SMIM14: variants seen among roughly 807,000 people sequenced by gnomAD.
The protein encoded by SMIM14 is chromosome 4 open reading frame 34.
Under a neutral mutation model 12.6 loss-of-function variants are expected in SMIM14, and 5 were observed. The ratio of observed to expected loss-of-function variants is 0.40; its 90% CI spans 0.21 to 0.83. The LOEUF (loss-of-function observed/expected upper bound fraction) is 0.83. SMIM14 is among the 40% of genes least tolerant of loss of function. The pLI is 0.37. For synonymous variants in SMIM14, 30 were observed against 40.1 expected (o/e 0.75, Z 0.95); for missense variants, 86 against 119.1 (o/e 0.72, Z 1.29).
intron 1 of SMIM14, among the ~76,000 whole-genome samples, chr4:39,637,314 A>G (rs1716132055): frequency 6.6e-6 from 1 of 152,218 alleles, no homozygotes; most frequent in Non-Finnish European, 1.5e-5. Flanking sequence ...AAGCTGAAAA[A>G]GAACTTCAAG....
At chr4:39,584,574 T>C (rs1051932793) in intron 2 of SMIM14, among the ~76,000 whole-genome samples, 4 of 146,196 alleles carry the variant, frequency 2.7e-5, no homozygotes, top group Non-Finnish European at 4.5e-5. Flanking sequence ...GGTGGGCAAA[T>C]TGCTTGAGCC....
At chr4:39,624,834 A>AC (rs33965592) in intron 1 of SMIM14, among the ~76,000 whole-genome samples, 10 of 150,732 alleles carry the variant, frequency 6.6e-5, no homozygotes, top group Non-Finnish European at 3.0e-5. Flanking sequence ...AAAAAAAAAA[A>AC]CTTCCTATTC....
intron 2 of SMIM14, among the ~76,000 whole-genome samples, chr4:39,604,037 A>G (rs1185896684): frequency 2.6e-5 from 4 of 151,706 alleles, no homozygotes; most frequent in Admixed American, 2.6e-4. Context: ...GAAATGCTTT[A>G]CATAGAGATT....
chr4:39,614,725 T>C (rs1715157937), intron 1 of SMIM14, among the ~76,000 whole-genome samples: 2 of 152,206 alleles, frequency 1.3e-5, no homozygotes, highest in Admixed American at 6.5e-5. Context: ...TCCAGGTATA[T>C]ATTAAGCAAC....
At chr4:39,565,280 T>C (rs1254172250) in intron 3 of SMIM14, among the ~76,000 whole-genome samples, 1 of 152,138 alleles carries the variant, frequency 6.6e-6, no homozygotes, top group African/African-American at 2.4e-5. Context: ...GTTGGCCTTA[T>C]AGGTCATAAT....
chr4:39,615,772 T>C (rs1345521533), intron 1 of SMIM14, among the ~76,000 whole-genome samples: 1 of 152,198 alleles, frequency 6.6e-6, no homozygotes, highest in East Asian at 1.9e-4. Flanking sequence ...CCATTGAAAC[T>C]GGATCATGGG....
chr4:39,571,605 GA>G (rs199800925), intron 3 of SMIM14, among the ~76,000 whole-genome samples: 21 of 150,148 alleles, frequency 1.4e-4, no homozygotes, highest in East Asian at 1.4e-3. Context: ...TTAAATTAAA[GA>G]AAAAAAAAGA....
chr4:39,585,552 C>G (rs989348842), intron 2 of SMIM14, among the ~76,000 whole-genome samples: 1 of 152,050 alleles, frequency 6.6e-6, no homozygotes, highest in Non-Finnish European at 1.5e-5. Flanking sequence ...CCGCCTTGGC[C>G]TCCCAAAGTG....
chr4:39,632,711 G>C (rs1269448862), intron 1 of SMIM14, among the ~76,000 whole-genome samples: 1 of 150,932 alleles, frequency 6.6e-6, no homozygotes. Flanking sequence ...CTGGGAGGTG[G>C]AGGCTGCAAT....
intron 4 of SMIM14, among the ~76,000 whole-genome samples, chr4:39,552,449 G>A (rs868670690): frequency 1.3e-5 from 2 of 152,156 alleles, no homozygotes; most frequent in South Asian, 2.1e-4. Flanking sequence ...TTGTACAACA[G>A]TGATGTTATC....
chr4:39,555,768 T>C (rs1273855698), intron 4 of SMIM14, among the ~76,000 whole-genome samples: 1 of 152,102 alleles, frequency 6.6e-6, no homozygotes, highest in Non-Finnish European at 1.5e-5. Flanking sequence ...ACAGGCTCAG[T>C]GTCTCTACTG....
chr4:39,553,166 T>C (rs1159844415), intron 4 of SMIM14, among the ~76,000 whole-genome samples: 1 of 151,958 alleles, frequency 6.6e-6, no homozygotes, highest in Non-Finnish European at 1.5e-5. Flanking sequence ...GTTCAAGTGA[T>C]TCGCCTGCCT....
intron 3 of SMIM14, among the ~76,000 whole-genome samples, chr4:39,559,153 G>A (rs1393108999): frequency 1.3e-5 from 2 of 152,128 alleles, no homozygotes; most frequent in African/African-American, 4.8e-5. Flanking sequence ...TCATTTTAGA[G>A]GCGAGACAAA....
intron 2 of SMIM14, among the ~76,000 whole-genome samples, chr4:39,575,090 T>C (rs1713103170): frequency 6.6e-6 from 1 of 150,996 alleles, no homozygotes; most frequent in Admixed American, 6.6e-5. Flanking sequence ...TTTTTTTTTT[T>C]TTTTTTTTTG....
intron 1 of SMIM14, among the ~76,000 whole-genome samples, chr4:39,632,992 A>T (rs1715969265): frequency 6.6e-6 from 1 of 152,068 alleles, no homozygotes; most frequent in South Asian, 2.1e-4. Flanking sequence ...AATTATGATT[A>T]AAATAATTTA....
At position 39,565,650 on chromosome 4, in the gene SMIM14, A is replaced by T. The variant is rs182229207; in HGVS notation, c.124+6765T>A. ...CTGAAGAGTTCTGAGCAAAATGCAG[A>T]TGATATCTGACTCTCATTTTGACAG... is the stretch of plus-strand genomic sequence containing the variant. On this transcript the variant is annotated intron_variant, in intron 3 of 4. Coordinates refer to ENST00000295958, the MANE Select transcript of SMIM14 (RefSeq NM_174921.3). Among the ~76,000 whole-genome samples the T allele has an allele frequency of 1.6e-4, 24 of 152,324 alleles. No individual in the cohort carries two copies. In the East Asian group the frequency reaches 2.1e-3, roughly 13 times the overall value.
chr4:39,548,645 G>T lies in SMIM14; in HGVS notation c.*3481C>A, dbSNP rs1711528447. The stretch of plus-strand genomic sequence containing the variant: ...GTTTACAAGCCAAATAATGATTTAA[G>T]AGTGTGCTCAATAAAAAGGCCATAG... On this transcript the variant is annotated 3_prime_UTR_variant, in exon 5 of 5. Coordinates refer to ENST00000295958, the MANE Select transcript of SMIM14 (RefSeq NM_174921.3). 6.6e-6 allele frequency: 1 copy of T among 152,172 alleles called. No homozygotes were observed. The highest frequency in any genetic ancestry group is 2.4e-5 in the African/African-American group (1 of 41,440). 9.4% of individuals were successfully genotyped at this position (152,172 alleles called of 1,614,324 possible). A position where few individuals can be genotyped will look rare whatever the true frequency, so the allele number is the denominator to read the frequency against.
intron 2 of SMIM14, among the ~76,000 whole-genome samples, chr4:39,584,132 A>C (rs1427617933): frequency 6.6e-6 from 1 of 151,930 alleles, no homozygotes; most frequent in Non-Finnish European, 1.5e-5. Flanking sequence ...CTAGAACCTA[A>C]TACTACATCT....
At chr4:39,574,739 G>T (rs559329284) in intron 2 of SMIM14, among the ~76,000 whole-genome samples, 3 of 152,120 alleles carry the variant, frequency 2.0e-5, no homozygotes, top group Admixed American at 6.6e-5. Context: ...TACAAATTAT[G>T]ACTTCAACTA....
Sources: gnomAD v4.1 joint callset for allele counts (sites outside exome capture counted in the v4.1 genomes callset) on GRCh38, gnomAD v4.1.1 for gene constraint, MANE v1.5 for transcripts, NCBI Gene and HGNC (gene_info 2026-07-23, HGNC 2026-07-21) for gene names.